The following SCNN1D variants were observed in gnomAD, a reference collection of about 807,000 sequenced individuals.
SCNN1D encodes sodium channel epithelial 1 subunit delta, also known as epithelial sodium channel subunit delta.
A neutral mutation model predicts 87.8 loss-of-function variants in SCNN1D; 104 were observed. That is an observed-to-expected ratio of 1.18 (90% CI 1.01 to 1.39). The LOEUF (loss-of-function observed/expected upper bound fraction) is 1.39. SCNN1D is among the 40% of genes most tolerant of loss of function. SCNN1D has a pLI of 0.00. For synonymous variants in SCNN1D, 628 were observed against 481.2 expected, an observed-to-expected ratio of 1.31 and a Z score of -3.99; for missense variants, 1,324 against 1,093.9, an observed-to-expected ratio of 1.21 and a Z score of -2.97.
At chr1:1,284,659 T>C (rs545269506) in intron 5 of SCNN1D, among the ~76,000 whole-genome samples, 1 of 150,768 alleles carries the variant, frequency 6.6e-6, no homozygotes, top group Non-Finnish European at 1.5e-5. Flanking sequence ...GCTGGACCAT[T>C]GGGGGTGCAT....
rs768510971 is a variant in SCNN1D, at chr1:1,290,344, C to T, written c.1736C>T (p.Pro579Leu). Residue 579 changes from proline (P) to leucine (L), a missense_variant, in exon 13 of 18, where the codon CCG (proline) becomes CTG (leucine). Coordinates refer to ENST00000379116, the MANE Select transcript of SCNN1D (RefSeq NM_001130413.4). Reference sequence around the variant, plus strand: ...TGTGGCTACTACCTCCACCCTCTGCCGGCGGGGGCTGAGTACTGCAGCTCT... The same window carrying T: ...TGTGGCTACTACCTCCACCCTCTGCTGGCGGGGGCTGAGTACTGCAGCTCT... ...CSCGYYLHPL[P>L]AGAEYCSSAR... 1.0e-4 allele frequency: 159 copies of T among 1,595,848 alleles called. No individual in the cohort carries two copies. The highest frequency in any genetic ancestry group is 1.2e-4 in the Non-Finnish European group (142 of 1,169,434).
At chr1:1,286,396 T>C (rs1214141513) in intron 7 of SCNN1D, 118 bp downstream of exon 7, 7 of 827,194 alleles carry the variant, frequency 8.5e-6, no homozygotes, top group Non-Finnish European at 1.3e-5. Context: ...GTGTGGTCAA[T>C]GCCACCCTCC....
intron 1 of SCNN1D, chr1:1,281,021 C>G: frequency 1.7e-6 from 1 of 604,144 alleles, no homozygotes; most frequent in Non-Finnish European, 2.9e-6. Context: ...GTGCAGGACC[C>G]CAGAGGGACC....
rs1197231715 is a variant in SCNN1D at position 1,288,258 on chromosome 1, C to T, written c.1662+221C>T. The stretch of plus-strand genomic sequence containing the variant: ...TCCGTCCCGTGTCTCTGCTCCGTCC[C>T]GTGTCTCTGCTCCGTCCCCCGAGTC... On this transcript the variant is annotated intron_variant, in intron 12 of 17. Transcript: ENST00000379116. Among the ~76,000 whole-genome samples, 32 of 128,192 alleles carry T rather than the reference C, an allele frequency of 2.5e-4. 3 individuals carry two copies. The highest frequency in any genetic ancestry group is 1.3e-3 in the Admixed American group (17 of 13,206). The allele number at this position is 128,192 out of a possible 152,430, so 84.1% of individuals were successfully genotyped here.
intron 3 of SCNN1D, 31 bp downstream of exon 3, chr1:1,281,641 C>A (rs57558541): frequency 6.6e-7 from 1 of 1,522,784 alleles, no homozygotes; most frequent in East Asian, 2.4e-5. Flanking sequence ...AGAGGCCTTG[C>A]CCGGGAGGAG....
chr1:1,281,959 C>T, intron 3 of SCNN1D: 1 of 572,058 alleles, frequency 1.7e-6, no homozygotes, highest in Non-Finnish European at 3.1e-6. Flanking sequence ...AGGACCTTGT[C>T]CCCGCCTGCC....
At chr1:1,285,878 G>A (rs1640577143) in intron 6 of SCNN1D, 48 bp from the exon 7 acceptor site, 1 of 1,493,000 alleles carries the variant, frequency 6.7e-7, no homozygotes, top group Non-Finnish European at 9.0e-7. Context: ...GGGTAGGGAG[G>A]CCTGAGTGGG....
chr1:1,291,057 T>C lies in SCNN1D; in HGVS notation c.1977-8T>C, dbSNP rs1640795946. 7 of 1,608,242 alleles carry C rather than the reference T, an allele frequency of 4.4e-6. No homozygotes were observed. The highest frequency in any genetic ancestry group is 2.7e-5 in the African/African-American group (2 of 74,664). Reference sequence around the variant, plus strand: ...GGCCAGCGCCCTCATGCCTCTATCCTGCCCCAGGAGCAGCCTGGCCAAAAT... The same window carrying C: ...GGCCAGCGCCCTCATGCCTCTATCCCGCCCCAGGAGCAGCCTGGCCAAAAT... On this transcript the variant is annotated splice_polypyrimidine_tract_variant and splice_region_variant and intron_variant, in intron 16 of 17. Coordinates refer to ENST00000379116, the MANE Select transcript of SCNN1D (RefSeq NM_001130413.4).
rs868523222 is a variant in SCNN1D, at chr1:1,287,984, G to A, written c.1609G>A (p.Gly537Ser). Residue 537 changes from glycine (G) to serine (S), a missense_variant, in exon 12 of 18, where the codon GGC (glycine) becomes AGC (serine). Physicochemically the swap from Gly to Ser is moderately conservative, Grantham distance 56. Coordinates refer to ENST00000379116, the MANE Select transcript of SCNN1D (RefSeq NM_001130413.4). ...LGSPYGHCTA[G>S]GEGVEVELLH... ...GAGCCCCTACGGCCACTGCACCGCC[G>A]GCGGGGAAGGCGTGGAGGTGGAGCT... is the stretch of plus-strand genomic sequence containing the variant. The A allele has an allele frequency of 3.9e-5, 60 of 1,546,464 alleles. No homozygotes were observed. The highest frequency in any genetic ancestry group is 6.9e-5 in the African/African-American group (5 of 72,148).
chr1:1,291,507 G>T lies in SCNN1D; in HGVS notation c.2306G>T (p.Ser769Ile). The change falls in exon 18 of 18, where the codon AGC becomes ATC. Residue 769 changes from serine to isoleucine, a missense_variant. Coordinates refer to ENST00000379116, the MANE Select transcript of SCNN1D (RefSeq NM_001130413.4). ...AGGTSDDPEP[S>I]GPHLPRVMLP... ...GGCACGTCAGATGACCCGGAGCCCA[G>T]CGGGCCTCATCTCCCACGGGTGATG... The T allele has an allele frequency of 6.2e-7, 1 of 1,608,926 alleles. No homozygotes were observed. Among genetic ancestry groups the T allele is most frequent in the Non-Finnish European group, 8.5e-7 (1 of 1,177,482 alleles).
intron 3 of SCNN1D, chr1:1,281,857 A>G: frequency 1.7e-6 from 1 of 580,858 alleles, no homozygotes; most frequent in Non-Finnish European, 3.0e-6. Context: ...CTCTCTCTGC[A>G]CCCTGCACCA....
At position 1,290,841 on chromosome 1, in the gene SCNN1D, A is replaced by C. The variant is rs2273275; in HGVS notation, c.1918-54A>C. ...GCCCCCACATCCGCCCGTGGTACCC[A>C]GGATGGCCGGGGGCATGGGGGAGCC... On this transcript the variant is annotated intron_variant, in intron 15 of 17. Transcript: ENST00000379116. The C allele has an allele frequency of 6.6e-3, 10,612 of 1,596,664 alleles. 68 individuals carry two copies. The highest frequency in any genetic ancestry group is 7.4e-3 in the Non-Finnish European group (8,602 of 1,169,788).
At chr1:1,286,596 G>T (rs1038213432) in intron 7 of SCNN1D, among the ~76,000 whole-genome samples, 172 bp from the exon 8 acceptor site, 1 of 152,198 alleles carries the variant, frequency 6.6e-6, no homozygotes, top group African/African-American at 2.4e-5. Context: ...GCTGGGCTCC[G>T]GGGCCGACCT....
chr1:1,281,292 A>C lies in SCNN1D; in HGVS notation c.72A>C (p.Pro24=). The change falls in exon 2 of 18, where the codon CCA becomes CCC. Residue 24 remains proline (P), a synonymous_variant. Transcript: ENST00000379116. ...RYLWPGHLSG[P]RRLTWSWCSD... is the part of the protein sequence containing the mutation. ...TGTGGCCCGGCCACCTCAGCGGCCC[A>C]AGGAGGTGAGCTCACAGCCATGCTC... The C allele has an allele frequency of 5.9e-6, 9 of 1,535,784 alleles. No individual in the cohort carries two copies. The highest frequency in any genetic ancestry group is 7.8e-6 in the Non-Finnish European group (9 of 1,146,786).
intron 15 of SCNN1D, 82 bp from the exon 16 acceptor site, chr1:1,290,813 T>C: frequency 6.3e-7 from 1 of 1,582,374 alleles, no homozygotes; most frequent in Non-Finnish European, 8.6e-7. Flanking sequence ...CCCCGTGGTC[T>C]CTGCCCCCAC....
Position 1,287,807 on chromosome 1 carries a change from G to A in SCNN1D, c.1534G>A (p.Gly512Arg). 6.4e-7 allele frequency: 1 copy of A among 1,573,038 alleles called. No individual in the cohort carries two copies. Among genetic ancestry groups the A allele is most frequent in the Non-Finnish European group, 8.6e-7 (1 of 1,159,102 alleles). The stretch of plus-strand genomic sequence containing the variant: ...GCACCACAGCTTCAGCGTCCGGCCA[G>A]GGACGGAGGCCACCATCAGCATCCG... The part of the protein sequence containing the change: ...LGHHSFSVRP[G>R]TEATISIRED... The change falls in exon 11 of 18, where the codon GGG (glycine) becomes AGG (arginine). Residue 512 changes from glycine to arginine, a missense_variant. Coordinates refer to ENST00000379116, the MANE Select transcript of SCNN1D (RefSeq NM_001130413.4).
intron 14 of SCNN1D, 36 bp downstream of exon 14, chr1:1,290,591 A>T (rs1227196613): frequency 6.2e-7 from 1 of 1,612,408 alleles, no homozygotes; most frequent in Non-Finnish European, 8.5e-7. Flanking sequence ...GCCAGGGATC[A>T]TTGCCCCAGG....
chr1:1,281,089 T>A, intron 1 of SCNN1D, 137 bp from the exon 2 acceptor site: 1 of 823,064 alleles, frequency 1.2e-6, no homozygotes. Flanking sequence ...GCTGCCTGTC[T>A]ATTGCACCAG....
rs1331818881 is a variant in SCNN1D at position 1,281,494 on chromosome 1, C to G, written c.161C>G (p.Pro54Arg). The change falls in exon 3 of 18, where the codon CCA (proline) becomes CGA (arginine). Residue 54 changes from proline (P) to arginine (R), a missense_variant. Physicochemically the swap from Pro to Arg is moderately radical, Grantham distance 103. Coordinates refer to ENST00000379116, the MANE Select transcript of SCNN1D (RefSeq NM_001130413.4). ...GSPHPTPCTG[P>R]ARGWPRRGGG... is the part of the protein sequence containing the mutation. ...CCCCACCCCACCCCCTGCACCGGGC[C>G]AGCGAGGGGATGGCCCAGAAGAGGG... The G allele has an allele frequency of 1.3e-6, 2 of 1,530,378 alleles. No homozygotes were observed. The highest frequency in any genetic ancestry group is 2.4e-5 in the East Asian group (1 of 40,912). The allele number at this position is 1,530,378 out of a possible 1,614,324, so 94.8% of individuals were successfully genotyped here.
Sources: gnomAD v4.1 joint callset for allele counts (sites outside exome capture counted in the v4.1 genomes callset) on GRCh38, gnomAD v4.1.1 for gene constraint, MANE v1.5 for transcripts, NCBI Gene and HGNC (gene_info 2026-07-23, HGNC 2026-07-21) for gene names.